The following OCA2 variants were observed in gnomAD, a reference collection of about 807,000 sequenced individuals.
OCA2 encodes the protein OCA2 melanosomal transmembrane protein, also known as P protein.
OCA2 carries 77 observed loss-of-function variants against 100.2 expected under a neutral mutation model. The observed-to-expected ratio is 0.77, with a 90% CI of 0.64 to 0.93. OCA2 has a LOEUF of 0.93. OCA2 is among the 40% of genes least tolerant of loss of function. OCA2 has a pLI of 0.00. For synonymous variants in OCA2, 432 were observed against 439.2 expected, an observed-to-expected ratio of 0.98 and a Z score of 0.21; for missense variants, 1,062 against 1,089.1, an observed-to-expected ratio of 0.98 and a Z score of 0.35.
rs2040271547 is a variant in OCA2, at chr15:27,957,668, C to T, written c.1704G>A (p.Glu568=). ...CCAGCAGCAGGCGGCGCACAGCTGT[C>T]TCCTCGCGGCTGGCCGGGCTGATGC... ...AQRISPASRE[E]TAVRRLLLGK... Residue 568 remains glutamate, a synonymous_variant, in exon 16 of 24, where the codon GAG becomes GAA. Transcript: ENST00000354638. This position sits in a 1 kb window ranked among gnomAD's most constrained non-coding sequence, Gnocchi z 4.3. The T allele has an allele frequency of 6.2e-7, 1 of 1,613,014 alleles. No homozygotes were observed. The highest frequency in any genetic ancestry group is 1.3e-5 in the African/African-American group (1 of 74,932).
chr15:27,937,015 T>A (rs1238037537), intron 18 of OCA2, among the ~76,000 whole-genome samples: 1 of 151,904 alleles, frequency 6.6e-6, no homozygotes, highest in African/African-American at 2.4e-5. Context: ...GACTTTCCCC[T>A]CCCTCTCTCT....
At chr15:27,831,277 T>C (rs1595482262) in intron 23 of OCA2, among the ~76,000 whole-genome samples, 2 of 28,736 alleles carry the variant, frequency 7.0e-5, no homozygotes, top group Non-Finnish European at 7.5e-5. Flanking sequence ...AGAGCGAGAC[T>C]CCGTCTCAAA....
At chr15:27,896,897 ATCT>A (rs149724310) in intron 19 of OCA2, among the ~76,000 whole-genome samples, 28,751 of 152,086 alleles carry the variant, frequency 0.19, 3,883 homozygotes, top group East Asian at 0.56. Context: ...CATGTCAGAA[ATCT>A]TCTTGGCAGG....
chr15:27,977,683 G>A (rs143063328), intron 14 of OCA2, among the ~76,000 whole-genome samples: 3 of 152,260 alleles, frequency 2.0e-5, no homozygotes, highest in South Asian at 2.1e-4. Flanking sequence ...GCCCTACCTC[G>A]CCCCCTCAAT....
intron 23 of OCA2, among the ~76,000 whole-genome samples, chr15:27,831,532 G>A (rs1595482862): frequency 6.6e-6 from 1 of 152,180 alleles, no homozygotes; most frequent in African/African-American, 2.4e-5. Flanking sequence ...CACACCGGAC[G>A]TGGTGCCATG....
At chr15:28,024,659 T>C (rs1364851529) in intron 5 of OCA2, among the ~76,000 whole-genome samples, 186 bp downstream of exon 5, 1 of 152,146 alleles carries the variant, frequency 6.6e-6, no homozygotes, top group Non-Finnish European at 1.5e-5. Context: ...GGAGCACAGC[T>C]GCGGCCTCGA....
rs193011088 is a variant in OCA2, at chr15:28,069,324, T to C, written c.227+12324A>G. Among the ~76,000 whole-genome samples the C allele has an allele frequency of 5.3e-4, 78 of 146,856 alleles. 1 individual carries two copies. The highest frequency in any genetic ancestry group is 1.8e-3 in the African/African-American group (72 of 39,082). On this transcript the variant is annotated intron_variant, in intron 2 of 23. Transcript: ENST00000354638. ...AGTGAAATGAAGAACACAATCCCAC[T>C]TACACTAGCCACAAAGAAAATGAAA...
intron 2 of OCA2, among the ~76,000 whole-genome samples, chr15:28,061,672 C>G (rs1483428083): frequency 6.6e-6 from 1 of 152,188 alleles, no homozygotes. Flanking sequence ...CAGGCCCTCA[C>G]CAGCACCTTG....
intron 23 of OCA2, among the ~76,000 whole-genome samples, chr15:27,832,852 G>A (rs1201416007): frequency 2.9e-5 from 3 of 103,102 alleles, no homozygotes; most frequent in Non-Finnish European, 4.2e-5. Context: ...TTTTTTGGTC[G>A]CCTAGGCTGG....
chr15:27,864,542 C>A (rs1180859757), intron 21 of OCA2, among the ~76,000 whole-genome samples: 1 of 152,122 alleles, frequency 6.6e-6, no homozygotes, highest in East Asian at 1.9e-4. Flanking sequence ...TGTCCTGATA[C>A]CTCCCGCAGG....
At chr15:27,857,447 A>C (rs372331153) in intron 21 of OCA2, among the ~76,000 whole-genome samples, 37 of 152,302 alleles carry the variant, frequency 2.4e-4, no homozygotes, top group African/African-American at 8.9e-4. Flanking sequence ...ACAGGGTTTT[A>C]GTTTTGCAAG....
At chr15:27,848,422 C>T (rs1218264809) in intron 22 of OCA2, among the ~76,000 whole-genome samples, 2 of 152,170 alleles carry the variant, frequency 1.3e-5, no homozygotes, top group East Asian at 1.9e-4. Context: ...GGGTATTCCA[C>T]GTGGCATGGG....
At chr15:27,839,067 A>G (rs1268775886) in intron 23 of OCA2, among the ~76,000 whole-genome samples, 2 of 152,220 alleles carry the variant, frequency 1.3e-5, no homozygotes, top group African/African-American at 4.8e-5. Context: ...GCGTGGAGAA[A>G]GAAGGGAAGA....
At chr15:27,825,896 C>G (rs2034702427) in intron 23 of OCA2, among the ~76,000 whole-genome samples, 1 of 152,244 alleles carries the variant, frequency 6.6e-6, no homozygotes, top group Non-Finnish European at 1.5e-5. Context: ...TTTAGCTTCA[C>G]AGTGCACTAT....
At chr15:27,720,219 C>G in the OCA2 span, among the ~76,000 whole-genome samples, 2 of 151,992 alleles carry the variant, frequency 1.3e-5, no homozygotes, top group African/African-American at 4.8e-5. Flanking sequence ...AAAATCCAAA[C>G]GTCCATTAAG....
chr15:28,037,122 A>AC (rs2043067450), intron 2 of OCA2, among the ~76,000 whole-genome samples: 1 of 152,082 alleles, frequency 6.6e-6, no homozygotes, highest in African/African-American at 2.4e-5. Context: ...CTCAGGACAG[A>AC]GGGCAGGTGG....
At chr15:28,095,818 T>C (rs372187146) in intron 1 of OCA2, among the ~76,000 whole-genome samples, 3 of 152,090 alleles carry the variant, frequency 2.0e-5, no homozygotes, top group East Asian at 1.9e-4. Context: ...AGGTGAAAAT[T>C]TGGCTGTTGA....
At chr15:28,091,262 A>G (rs2044865380) in intron 1 of OCA2, among the ~76,000 whole-genome samples, 1 of 152,198 alleles carries the variant, frequency 6.6e-6, no homozygotes, top group South Asian at 2.1e-4. Flanking sequence ...TTTAACACCA[A>G]TTCTATACAA....
chr15:28,059,752 C>T (rs1040546148), intron 2 of OCA2, among the ~76,000 whole-genome samples: 3 of 152,170 alleles, frequency 2.0e-5, no homozygotes, highest in African/African-American at 7.2e-5. Context: ...GGAAGCATGC[C>T]TGGGCAGAGC....
Sources: allele counts gnomAD v4.1 joint callset (sites outside exome capture counted in the v4.1 genomes callset), GRCh38; gene constraint gnomAD v4.1.1; non-coding constraint Gnocchi (gnomAD v3.1); transcripts MANE v1.5; gene names NCBI Gene and HGNC (gene_info 2026-07-23, HGNC 2026-07-21).